Variants in SYCP2 observed in about 807,000 individuals in gnomAD.
The protein encoded by SYCP2 is synaptonemal complex lateral element protein.
In SYCP2, 55 loss-of-function variants were observed where a neutral mutation model predicts 211.3. The ratio of observed to expected loss-of-function variants is 0.26; its 90% CI spans 0.21 to 0.33. The LOEUF (loss-of-function observed/expected upper bound fraction) is 0.33, where lower values mean the gene tolerates loss of function less well. Ranked by LOEUF, SYCP2 falls within the 10% of genes least tolerant of loss-of-function variation. The probability of loss-of-function intolerance (pLI) is 1.00; values close to 1 mark genes in which losing one functional copy is unlikely to be tolerated. For synonymous variants in SYCP2, 570 were observed against 555.2 expected (o/e 1.03, Z -0.37); for missense variants, 1,731 against 1,752.0 (o/e 0.99, Z 0.21).
chr20:59,919,877 AGAAG>A (rs1356368392), intron 5 of SYCP2, among the ~76,000 whole-genome samples: 7 of 151,794 alleles, frequency 4.6e-5, no homozygotes, highest in Non-Finnish European at 8.9e-5. Flanking sequence ...TTATTATAAT[AGAAG>A]GAAGTAAATT....
chr20:59,900,053 T>A (rs752637373), intron 18 of SYCP2, 85 bp downstream of exon 18: 1 of 1,379,098 alleles, frequency 7.3e-7, no homozygotes, highest in Non-Finnish European at 1.0e-6. Flanking sequence ...ATATATAAAT[T>A]CTAGATGCTT....
At chr20:59,899,632 C>T (rs1391183600) in intron 18 of SYCP2, among the ~76,000 whole-genome samples, 3 of 151,978 alleles carry the variant, frequency 2.0e-5, no homozygotes, top group Non-Finnish European at 2.9e-5. Context: ...GCTGAAGGAG[C>T]GGACCTTAAG....
Position 59,865,633 on chromosome 20 carries a change from A to C in SYCP2, c.4398T>G (p.Thr1466=). The part of the protein sequence containing the change: ...SEQQRLHLLK[T]SLAKSVFCNT... ...TACAGAAGACACTTTTAGCCAATGA[A>C]GTTTTCAAAAGATGAAGCCTAAGAA... The change falls in exon 43 of 45, where the codon ACT becomes ACG. Residue 1466 remains threonine, a synonymous_variant. Transcript: ENST00000357552. 1 of 1,599,138 alleles carries C rather than the reference A, an allele frequency of 6.3e-7. No homozygotes were observed. The highest frequency in any genetic ancestry group is 8.5e-7 in the Non-Finnish European group (1 of 1,174,540).
At chr20:59,897,494 T>C (rs1024725795) in intron 18 of SYCP2, among the ~76,000 whole-genome samples, 3 of 152,116 alleles carry the variant, frequency 2.0e-5, no homozygotes, top group African/African-American at 7.2e-5. Flanking sequence ...TTTTCGAACT[T>C]TGGTGTGCTT....
chr20:59,930,118 A>G (rs187297459), intron 2 of SYCP2, among the ~76,000 whole-genome samples: 46 of 152,300 alleles, frequency 3.0e-4, no homozygotes, highest in Non-Finnish European at 1.5e-5. Flanking sequence ...ACCCCCAGAA[A>G]GTCTATAACC....
intron 31 of SYCP2, 110 bp downstream of exon 31, chr20:59,880,193 G>A: frequency 1.2e-6 from 1 of 801,182 alleles, no homozygotes; most frequent in Admixed American, 3.2e-5. Flanking sequence ...ATCCATGAAA[G>A]TATGTAGTAA....
In SYCP2 at chr20:59,865,561, T is replaced by C. The variant is rs535608179; in HGVS notation, c.4458+12A>G. ...CAAGAGAGGTAACCTATAAAAAGCA[T>C]AAAATTTATACCTCGGATGTAAAAA... On this transcript the variant is annotated intron_variant, in intron 43 of 44. Transcript: ENST00000357552. 5.0e-6 allele frequency: 8 copies of C among 1,593,908 alleles called. No homozygotes were observed. The East Asian group carries it at 1.1e-4, about 22-fold the overall frequency.
intron 15 of SYCP2, among the ~76,000 whole-genome samples, chr20:59,905,333 T>C (rs1455302642): frequency 6.6e-6 from 1 of 152,166 alleles, no homozygotes; most frequent in Non-Finnish European, 1.5e-5. Flanking sequence ...CAGCATTTCA[T>C]AATAGCTAAA....
At chr20:59,896,705 T>C (rs2060015444) in intron 18 of SYCP2, among the ~76,000 whole-genome samples, 177 bp from the exon 19 acceptor site, 1 of 152,160 alleles carries the variant, frequency 6.6e-6, no homozygotes, top group Admixed American at 6.5e-5. Context: ...TTCATCTTCA[T>C]GTTTGGTATT....
intron 14 of SYCP2, among the ~76,000 whole-genome samples, chr20:59,909,877 T>G (rs2060283547): frequency 6.6e-6 from 1 of 152,192 alleles, no homozygotes; most frequent in South Asian, 2.1e-4. Context: ...GTGAGGCTAC[T>G]TTATATTGAG....
chr20:59,917,176 T>C (rs1036477426), intron 7 of SYCP2, among the ~76,000 whole-genome samples: 1 of 152,170 alleles, frequency 6.6e-6, no homozygotes, highest in Non-Finnish European at 1.5e-5. Flanking sequence ...AATTGAAAAC[T>C]TCAATTCTAA....
At position 59,892,591 on chromosome 20, in the gene SYCP2, G is replaced by A. The variant is rs369942080; in HGVS notation, c.1904C>T (p.Ser635Leu). Residue 635 changes from serine (S) to leucine (L), a missense_variant, in exon 23 of 45, where the codon TCG becomes TTG. Physicochemically the swap from Ser to Leu is moderately radical, Grantham distance 145. Transcript: ENST00000357552. ...ELCNNQRASTSSGDTLNQDIV... is the reference protein window; with the variant it reads ...ELCNNQRASTLSGDTLNQDIV... ...ACCTTGATTCAATGTGTCTCCTGAC[G>A]AAGTACTTGCTCTTTGGTTATTACA... 9.3e-6 allele frequency: 15 copies of A among 1,607,188 alleles called. No individual in the cohort carries two copies. The highest frequency in any genetic ancestry group is 1.7e-4 in the Middle Eastern group (1 of 6,042).
At chr20:59,916,078 C>T (rs1355302871) in intron 8 of SYCP2, among the ~76,000 whole-genome samples, 1 of 151,882 alleles carries the variant, frequency 6.6e-6, no homozygotes, top group African/African-American at 2.4e-5. Flanking sequence ...AACATGACTC[C>T]GATACTTAAA....
intron 20 of SYCP2, 53 bp from the exon 21 acceptor site, chr20:59,893,646 T>C: frequency 7.3e-7 from 1 of 1,369,000 alleles, no homozygotes; most frequent in Non-Finnish European, 1.0e-6. Flanking sequence ...TATGAAAACC[T>C]AAATGTTACA....
At chr20:59,897,277 G>A (rs190038282) in intron 18 of SYCP2, among the ~76,000 whole-genome samples, 4 of 152,222 alleles carry the variant, frequency 2.6e-5, no homozygotes, top group South Asian at 2.1e-4. Context: ...TATATGAAAC[G>A]TGAGGGAAGG....
intron 2 of SYCP2, among the ~76,000 whole-genome samples, chr20:59,926,096 T>C (rs945449781): frequency 2.6e-5 from 4 of 152,108 alleles, no homozygotes; most frequent in Admixed American, 6.5e-5. Context: ...CAAATATGGA[T>C]TGAAGGAGGA....
rs114749498 is a variant in SYCP2, at chr20:59,872,364, G to C, written c.3555+1492C>G. Reference sequence around the variant, plus strand: ...TGCTGTATATGCTACCTGCCTGTTAGTCAAGTAATAGCCATCTCAGTTATC... The same window carrying C: ...TGCTGTATATGCTACCTGCCTGTTACTCAAGTAATAGCCATCTCAGTTATC... On this transcript the variant is annotated intron_variant, in intron 35 of 44. Transcript: ENST00000357552. Among the ~76,000 whole-genome samples, 876 of 152,052 alleles carry C rather than the reference G, an allele frequency of 5.8e-3. 12 individuals are homozygous for C. Among genetic ancestry groups the C allele is most frequent in the African/African-American group, 0.021 (852 of 41,504 alleles).
Position 59,892,311 on chromosome 20 carries a change from T to G in SYCP2, c.2043A>C (p.Lys681Asn). 6.2e-7 allele frequency: 1 copy of G among 1,611,754 alleles called. No homozygotes were observed. The change falls in exon 24 of 45, where the codon AAA (lysine) becomes AAC (asparagine). Residue 681 changes from lysine (K) to asparagine (N), a missense_variant. By Grantham distance (94) the Lys-to-Asn change is moderately conservative. Coordinates refer to ENST00000357552, the MANE Select transcript of SYCP2 (RefSeq NM_014258.4). Reference protein sequence around the residue: ...KYKKEQTDHIKIDKAEVEVCK... With the variant: ...KYKKEQTDHINIDKAEVEVCK... ...AAACTTCTACTTCTGCTTTATCTATTTTGATATGGTCGGTTTGTTCTTTCT... is the reference window on the plus strand; with the variant it reads ...AAACTTCTACTTCTGCTTTATCTATGTTGATATGGTCGGTTTGTTCTTTCT...
chr20:59,867,036 GAAAC>G (rs2059353502), intron 39 of SYCP2, among the ~76,000 whole-genome samples: 1 of 70,330 alleles, frequency 1.4e-5, no homozygotes, highest in African/African-American at 5.5e-5. Context: ...AAAAAAAAAA[GAAAC>G]AGAAAAAACA....
Sources: gnomAD v4.1 joint callset for allele counts (sites outside exome capture counted in the v4.1 genomes callset) on GRCh38, gnomAD v4.1.1 for gene constraint, MANE v1.5 for transcripts, NCBI Gene and HGNC (gene_info 2026-07-23, HGNC 2026-07-21) for gene names.